The following GULP1 variants were observed in gnomAD, a reference collection of about 807,000 sequenced individuals.
GULP1 encodes GULP PTB domain containing engulfment adaptor 1, also known as PTB domain-containing engulfment adapter protein 1.
In GULP1, 19 loss-of-function variants were observed where a neutral mutation model predicts 40.9. The ratio of observed to expected loss-of-function variants is 0.46; its 90% CI spans 0.32 to 0.68. GULP1 has a LOEUF of 0.68. Ranked by LOEUF, GULP1 falls within the 30% of genes least tolerant of loss-of-function variation. The pLI, the probability that GULP1 is intolerant of heterozygous loss-of-function variation, is 0.03. For synonymous variants in GULP1, 119 were observed against 117.6 expected, an observed-to-expected ratio of 1.01 and a Z score of -0.08; for missense variants, 312 against 362.2, an observed-to-expected ratio of 0.86 and a Z score of 1.12.
At chr2:188,593,654 G>C (rs1704027771) in intron 11 of GULP1, 1 of 196,730 alleles carries the variant, frequency 5.1e-6, no homozygotes. Flanking sequence ...GTAGTAACTA[G>C]CCTTTTCTGA....
chr2:188,399,496 G>A (rs558650544), intron 2 of GULP1, among the ~76,000 whole-genome samples: 1 of 151,802 alleles, frequency 6.6e-6, no homozygotes, highest in Non-Finnish European at 1.5e-5. Context: ...GACGGAGGGC[G>A]AATATGGGGG....
chr2:188,544,538 T>TA (rs1288627308), intron 7 of GULP1, among the ~76,000 whole-genome samples: 1,671 of 151,092 alleles, frequency 0.011, 24 homozygotes, highest in African/African-American at 0.019. Context: ...AAAGTATTAT[T>TA]ATAATAATAA....
At chr2:188,461,439 G>A (rs1022762002) in intron 2 of GULP1, among the ~76,000 whole-genome samples, 1 of 149,970 alleles carries the variant, frequency 6.7e-6, no homozygotes, top group Non-Finnish European at 1.5e-5. Flanking sequence ...TCCTACCTCA[G>A]CCTCCCGAGT....
intron 2 of GULP1, among the ~76,000 whole-genome samples, chr2:188,385,393 C>T (rs1009456730): frequency 2.0e-5 from 3 of 152,124 alleles, no homozygotes; most frequent in Admixed American, 6.5e-5. Context: ...CCCTAGACTT[C>T]GTAAAGCAGA....
At chr2:188,437,006 G>C (rs1194427411) in intron 2 of GULP1, among the ~76,000 whole-genome samples, 4 of 152,028 alleles carry the variant, frequency 2.6e-5, no homozygotes, top group African/African-American at 9.7e-5. Flanking sequence ...ATCCACTATA[G>C]TTCTATCTTC....
At chr2:188,582,446 A>G (rs768165925) in intron 9 of GULP1, 6 of 471,484 alleles carry the variant, frequency 1.3e-5, no homozygotes, top group Non-Finnish European at 8.8e-6. Flanking sequence ...TATTTCTTCC[A>G]TCTCTGTCAC....
intron 6 of GULP1, among the ~76,000 whole-genome samples, chr2:188,535,904 C>G (rs1368803183): frequency 6.6e-6 from 1 of 151,834 alleles, no homozygotes; most frequent in Non-Finnish European, 1.5e-5. Context: ...GGTGTGAGAT[C>G]ATATCTCTTT....
chr2:188,429,490 ACT>A (rs894765792), intron 2 of GULP1, among the ~76,000 whole-genome samples: 3 of 151,504 alleles, frequency 2.0e-5, no homozygotes, highest in African/African-American at 7.3e-5. Flanking sequence ...ACAGAGCAAG[ACT>A]CTGTCTCAAA....
At chr2:188,531,699 G>A (rs1260127658) in intron 6 of GULP1, among the ~76,000 whole-genome samples, 1 of 152,102 alleles carries the variant, frequency 6.6e-6, no homozygotes, top group East Asian at 1.9e-4. Context: ...GGGAAACAAG[G>A]CAATTGAAAG....
At chr2:188,460,772 C>T (rs1575406211) in intron 2 of GULP1, among the ~76,000 whole-genome samples, 1 of 152,042 alleles carries the variant, frequency 6.6e-6, no homozygotes, top group South Asian at 2.1e-4. Context: ...TTCAGTATGA[C>T]ACTAGCTGTG....
chr2:188,440,991 A>G (rs2057873562), intron 2 of GULP1, among the ~76,000 whole-genome samples: 1 of 152,188 alleles, frequency 6.6e-6, no homozygotes, highest in Non-Finnish European at 1.5e-5. Flanking sequence ...AAGGAGATGT[A>G]AGAAGTGGTC....
rs746123333 is a variant in GULP1 at position 188,593,960 on chromosome 2, A to G, written c.864A>G (p.Leu288=). ...DEMQEGFKMG[L]TLEGTVFCLD... is the part of the protein sequence containing the mutation. ...TACAGGAGGGGTTCAAAATGGGACT[A>G]ACTCTTGAAGGCACAGTATTTTGTC... The change falls in exon 12 of 12, where the codon CTA becomes CTG. Residue 288 remains leucine (L), a synonymous_variant. Coordinates refer to ENST00000409830, the MANE Select transcript of GULP1 (RefSeq NM_016315.4). 1.0e-5 allele frequency: 16 copies of G among 1,593,016 alleles called. No homozygotes were observed. In the East Asian group the frequency reaches 3.6e-4, roughly 36 times the overall value.
At chr2:188,478,376 T>C (rs1364832278) in intron 3 of GULP1, among the ~76,000 whole-genome samples, 2 of 152,080 alleles carry the variant, frequency 1.3e-5, no homozygotes, top group African/African-American at 4.8e-5. Flanking sequence ...AAAATAAATA[T>C]AACTTTGCGT....
intron 7 of GULP1, among the ~76,000 whole-genome samples, chr2:188,563,275 C>T (rs1381965224): frequency 1.3e-5 from 2 of 151,612 alleles, no homozygotes; most frequent in South Asian, 2.1e-4. Flanking sequence ...TCATCAAGGA[C>T]AAAAGTGACA....
chr2:188,580,291 C>T (rs552278128), intron 9 of GULP1, among the ~76,000 whole-genome samples: 2 of 152,270 alleles, frequency 1.3e-5, no homozygotes, highest in African/African-American at 4.8e-5. Flanking sequence ...CGGTGGCTCA[C>T]GCCTGTAATC....
intron 1 of GULP1, among the ~76,000 whole-genome samples, chr2:188,364,480 A>T (rs1313223095): frequency 6.6e-6 from 1 of 152,160 alleles, no homozygotes; most frequent in Non-Finnish European, 1.5e-5. Flanking sequence ...CCAGGGAAGG[A>T]TGAAGAGGGA....
chr2:188,502,187 G>GAGACAGTTCTA (rs2063498103), intron 4 of GULP1, among the ~76,000 whole-genome samples: 1 of 151,610 alleles, frequency 6.6e-6, no homozygotes, highest in African/African-American at 2.4e-5. Context: ...TTATAAAACT[G>GAGACAGTTCTA]GTAAGAAGAG....
At chr2:188,390,312 A>G (rs1052575939) in intron 2 of GULP1, among the ~76,000 whole-genome samples, 3 of 152,030 alleles carry the variant, frequency 2.0e-5, no homozygotes, top group African/African-American at 7.2e-5. Context: ...AATAATAGCT[A>G]TTCTTGCAGG....
At chr2:188,474,886 A>T (rs1390851648) in intron 2 of GULP1, among the ~76,000 whole-genome samples, 1 of 152,174 alleles carries the variant, frequency 6.6e-6, no homozygotes, top group African/African-American at 2.4e-5. Flanking sequence ...TATTTGTGAA[A>T]AGTTTCTCTA....
Sources: allele counts gnomAD v4.1 joint callset (sites outside exome capture counted in the v4.1 genomes callset), GRCh38; gene constraint gnomAD v4.1.1; transcripts MANE v1.5; gene names NCBI Gene and HGNC (gene_info 2026-07-23, HGNC 2026-07-21).